Variants in NELL1 observed in about 807,000 individuals in gnomAD.
The protein encoded by NELL1 is neural EGFL like 1, also known as protein kinase C-binding protein NELL1.
In NELL1, 76 loss-of-function variants were observed where a neutral mutation model predicts 107.4. That is an observed-to-expected ratio of 0.71 (90% CI 0.59 to 0.86). The LOEUF is 0.86. Among genes scored for constraint, NELL1 ranks in the 40% least tolerant of loss-of-function variants. NELL1 has a pLI of 0.00. For missense variants in NELL1, 1,024 were observed against 1,005.5 expected (o/e 1.02, Z -0.25); for synonymous variants, 353 against 341.2 (o/e 1.03, Z -0.38).
intron 14 of NELL1, among the ~76,000 whole-genome samples, chr11:21,360,158 G>C (rs1189815744): frequency 6.6e-6 from 1 of 151,926 alleles, no homozygotes; most frequent in East Asian, 1.9e-4. Context: ...CATTGCTTTT[G>C]CTGTATCCTA....
chr11:21,573,495 C>T (rs1857151930), intron 19 of NELL1, 86 bp downstream of exon 19: 7 of 1,147,424 alleles, frequency 6.1e-6, no homozygotes, highest in South Asian at 4.0e-5. Flanking sequence ...TTTCTGAATA[C>T]ACAGGTTCAA....
In NELL1 at chr11:20,861,029, AC is replaced by A. The variant is rs535960352; in HGVS notation, c.506+13278del. ...GGCCTCATTCAAGCCCATTAGACTA[AC>A]CTCTTTGGGCAGGGTTTCATGACTC... On this transcript the variant is annotated intron_variant, in intron 4 of 19. Transcript: ENST00000357134. 9.2e-5 allele frequency among the ~76,000 whole-genome samples: 14 copies of A among 152,176 alleles called. No homozygotes were observed. In the South Asian group the frequency reaches 1.9e-3, roughly 20 times the overall value.
intron 16 of NELL1, among the ~76,000 whole-genome samples, chr11:21,543,416 G>A (rs1856343960): frequency 6.6e-6 from 1 of 151,964 alleles, no homozygotes; most frequent in African/African-American, 2.4e-5. Context: ...ATTGCCACAT[G>A]TCATTAAAAG....
chr11:21,087,896 A>G (rs1854432156), intron 12 of NELL1, among the ~76,000 whole-genome samples: 1 of 152,226 alleles, frequency 6.6e-6, no homozygotes, highest in Admixed American at 6.5e-5. Flanking sequence ...CAGTTGTGTC[A>G]GAGACGTGTT....
intron 14 of NELL1, among the ~76,000 whole-genome samples, chr11:21,302,283 G>T (rs868756916): frequency 1.3e-5 from 2 of 152,026 alleles, no homozygotes; most frequent in African/African-American, 4.8e-5. Flanking sequence ...ATGGCTAGTA[G>T]TTGGTACTAC....
intron 14 of NELL1, among the ~76,000 whole-genome samples, chr11:21,312,040 A>G (rs1415502101): frequency 6.6e-6 from 1 of 152,134 alleles, no homozygotes; most frequent in Admixed American, 6.6e-5. Context: ...TGAACCAAAA[A>G]AGTAGGCCCT....
At chr11:21,074,388 AT>A (rs1194163215) in intron 12 of NELL1, among the ~76,000 whole-genome samples, 1 of 149,300 alleles carries the variant, frequency 6.7e-6, no homozygotes, top group African/African-American at 2.6e-5. Context: ...TAATTAAAAC[AT>A]TTTTTTAACA....
At chr11:21,476,711 A>G (rs537466160) in intron 15 of NELL1, among the ~76,000 whole-genome samples, 4 of 152,246 alleles carry the variant, frequency 2.6e-5, no homozygotes, top group African/African-American at 7.2e-5. Context: ...TAGGAAAGAC[A>G]GTCTTGAATT....
chr11:21,479,849 A>C (rs1247953156), intron 15 of NELL1, among the ~76,000 whole-genome samples: 4 of 152,154 alleles, frequency 2.6e-5, no homozygotes, highest in African/African-American at 9.6e-5. Context: ...AACTTTACAA[A>C]GTGATAAACT....
chr11:21,515,178 T>C (rs905969658), intron 15 of NELL1, among the ~76,000 whole-genome samples: 1 of 152,226 alleles, frequency 6.6e-6, no homozygotes, highest in South Asian at 2.1e-4. Context: ...CAGACCTTCA[T>C]GTGGTCCTCA....
chr11:20,883,971 T>G (rs1476013396), intron 4 of NELL1, among the ~76,000 whole-genome samples: 1 of 152,204 alleles, frequency 6.6e-6, no homozygotes, highest in African/African-American at 2.4e-5. Context: ...AAGGTTAGAT[T>G]CCTGTAAAGA....
intron 15 of NELL1, among the ~76,000 whole-genome samples, chr11:21,402,933 C>G (rs1168889878): frequency 6.6e-6 from 1 of 151,652 alleles, no homozygotes; most frequent in African/African-American, 2.4e-5. Flanking sequence ...GTGAGAGCAG[C>G]TAAGAGCTAG....
Position 20,920,015 on chromosome 11 carries a change from C to T in NELL1, c.759+681C>T, listed in dbSNP as rs559340324. ...CCCTAGATATGTTCATACTGAGTGG[C>T]GGAGCCAAATGTGTAAACAACTAAG... On this transcript the variant is annotated intron_variant, in intron 7 of 19. Coordinates refer to ENST00000357134, the MANE Select transcript of NELL1 (RefSeq NM_006157.5). 1.1e-4 allele frequency among the ~76,000 whole-genome samples: 16 copies of T among 152,194 alleles called. No individual in the cohort carries two copies. In the East Asian group the frequency reaches 1.9e-3, roughly 18 times the overall value.
intron 15 of NELL1, among the ~76,000 whole-genome samples, chr11:21,379,961 C>T (rs1851570844): frequency 6.6e-6 from 1 of 152,062 alleles, no homozygotes; most frequent in Non-Finnish European, 1.5e-5. Context: ...AAGGTGAATA[C>T]TTATTCCCCT....
intron 15 of NELL1, among the ~76,000 whole-genome samples, chr11:21,465,282 A>G (rs1853999721): frequency 6.6e-6 from 1 of 152,112 alleles, no homozygotes; most frequent in Non-Finnish European, 1.5e-5. Flanking sequence ...GAATTATGAT[A>G]CAAAGTATTG....
intron 12 of NELL1, among the ~76,000 whole-genome samples, chr11:21,111,382 T>G (rs1306852365): frequency 6.6e-6 from 1 of 152,130 alleles, no homozygotes; most frequent in Non-Finnish European, 1.5e-5. Flanking sequence ...TTTCCCTACC[T>G]TCATTCTCTA....
chr11:21,564,794 G>A (rs1483997666), intron 17 of NELL1, among the ~76,000 whole-genome samples: 5 of 151,998 alleles, frequency 3.3e-5, no homozygotes, highest in South Asian at 4.1e-4. Flanking sequence ...ATGAATTACC[G>A]TGGAAAGGAA....
chr11:20,684,268 T>A (rs1020013033), intron 2 of NELL1, among the ~76,000 whole-genome samples: 6 of 151,926 alleles, frequency 3.9e-5, no homozygotes, highest in African/African-American at 1.2e-4. Flanking sequence ...AAAATTATTT[T>A]AAAAAGACTA....
intron 4 of NELL1, among the ~76,000 whole-genome samples, chr11:20,861,503 G>A (rs543830665): frequency 2.2e-4 from 33 of 152,220 alleles, no homozygotes; most frequent in African/African-American, 7.9e-4. Flanking sequence ...CTGTCACACA[G>A]CAGTGACTAT....
Sources: allele counts gnomAD v4.1 joint callset (sites outside exome capture counted in the v4.1 genomes callset), GRCh38; gene constraint gnomAD v4.1.1; transcripts MANE v1.5; gene names NCBI Gene and HGNC (gene_info 2026-07-23, HGNC 2026-07-21).